HEATR5B: variants seen among roughly 807,000 people sequenced by gnomAD.
HEATR5B encodes the protein HEAT repeat containing 5B.
In HEATR5B, 156 loss-of-function variants were observed where a neutral mutation model predicts 224.1. The ratio of observed to expected loss-of-function variants is 0.70; its 90% confidence interval spans 0.61 to 0.80. The LOEUF (loss-of-function observed/expected upper bound fraction) is 0.80, where lower values mean the gene tolerates loss of function less well. HEATR5B is among the 30% of genes least tolerant of loss of function. HEATR5B has a pLI of 0.00. For missense variants in HEATR5B, 2,323 were observed against 2,535.5 expected, an observed-to-expected ratio of 0.92 and a Z score of 1.80; for synonymous variants, 1,027 against 893.0, an observed-to-expected ratio of 1.15 and a Z score of -2.68.
Position 37,008,856 on chromosome 2 carries a change from G to A in HEATR5B, c.4285-8C>T, listed in dbSNP as rs763983378. The A allele has an allele frequency of 7.9e-6, 12 of 1,513,260 alleles. No individual in the cohort carries two copies. In the East Asian group the frequency reaches 2.0e-4, roughly 26 times the overall value. 93.7% of individuals were successfully genotyped at this position (1,513,260 alleles called of 1,614,324 possible). On this transcript the variant is annotated splice_region_variant and splice_polypyrimidine_tract_variant and intron_variant, in intron 27 of 35. Transcript: ENST00000233099. ...CATAGCGACCACATATACCTAATAT[G>A]ATATTTATGAGGACAAAATAGTAAG...
intron 16 of HEATR5B, among the ~76,000 whole-genome samples, chr2:37,055,922 C>G (rs565583469): frequency 6.6e-6 from 1 of 152,270 alleles, no homozygotes; most frequent in East Asian, 1.9e-4. Flanking sequence ...TATACCAAAC[C>G]AAAATGCTTC....
At chr2:37,020,909 GAAAT>G (rs1278709478) in intron 24 of HEATR5B, 73 bp from the exon 25 acceptor site, 13 of 845,400 alleles carry the variant, frequency 1.5e-5, no homozygotes, top group Middle Eastern at 2.9e-4. Flanking sequence ...AATATGAAAT[GAAAT>G]AAATTTTTGA....
chr2:37,060,831 T>C (rs1671240331), intron 11 of HEATR5B, 98 bp from the exon 12 acceptor site: 4 of 986,154 alleles, frequency 4.1e-6, no homozygotes, highest in Non-Finnish European at 4.5e-6. Flanking sequence ...TATGTAATTT[T>C]AGAGATGAAA....
chr2:36,981,442 A>G lies in HEATR5B; in HGVS notation c.*48T>C. ...CTGGAATGATACAGTGGCCATCACT[A>G]ATTAGGGGCTAGTTGACAACATAAA... On this transcript the variant is annotated 3_prime_UTR_variant, in exon 36 of 36. Transcript: ENST00000233099. 1 of 1,436,834 alleles carries G rather than the reference A, an allele frequency of 7.0e-7. No individual in the cohort carries two copies. The highest frequency in any genetic ancestry group is 1.4e-5 in the African/African-American group (1 of 70,256). 89.0% of individuals were successfully genotyped at this position (1,436,834 alleles called of 1,614,324 possible). A position where few individuals can be genotyped will look rare whatever the true frequency, so the allele number is the denominator to read the frequency against.
At chr2:37,045,889 T>C (rs557815384) in intron 18 of HEATR5B, among the ~76,000 whole-genome samples, 17 of 152,358 alleles carry the variant, frequency 1.1e-4, no homozygotes, top group Admixed American at 1.1e-3. Context: ...TTGTCCAATG[T>C]CTCAAAACTG....
chr2:36,988,172 T>C (rs781629776), intron 35 of HEATR5B, among the ~76,000 whole-genome samples: 1 of 152,148 alleles, frequency 6.6e-6, no homozygotes, highest in African/African-American at 2.4e-5. Context: ...TGAAATGCCA[T>C]TGGCAATTCA....
chr2:37,001,396 G>C (rs1316354319), intron 32 of HEATR5B, among the ~76,000 whole-genome samples: 1 of 151,996 alleles, frequency 6.6e-6, no homozygotes, highest in Non-Finnish European at 1.5e-5. Context: ...GCCTCTGCTT[G>C]CAAAACTCCA....
chr2:37,066,526 T>C (rs1358986818), intron 8 of HEATR5B, among the ~76,000 whole-genome samples: 5 of 152,214 alleles, frequency 3.3e-5, no homozygotes, highest in Admixed American at 3.3e-4. Flanking sequence ...AGTTACCTCT[T>C]ACTGGAATGT....
intron 17 of HEATR5B, among the ~76,000 whole-genome samples, chr2:37,053,290 G>A (rs1467939819): frequency 6.6e-6 from 1 of 152,118 alleles, no homozygotes; most frequent in African/African-American, 2.4e-5. Context: ...AGTTCAAATT[G>A]AAACATAAAC....
At chr2:37,034,395 C>G (rs1278235321) in intron 21 of HEATR5B, among the ~76,000 whole-genome samples, 1 of 140,968 alleles carries the variant, frequency 7.1e-6, no homozygotes, top group Non-Finnish European at 1.6e-5. Context: ...GGGCGGATCA[C>G]GAGGTCAGGA....
rs753918735 is a variant in HEATR5B, at chr2:37,037,873, G to A, written c.3198C>T (p.Ser1066=). 5 of 1,587,188 alleles carry A rather than the reference G, an allele frequency of 3.2e-6. No individual in the cohort carries two copies. The highest frequency in any genetic ancestry group is 1.7e-5 in the Admixed American group (1 of 58,066). ...MFAPRHVNLS[S]LVPSLCVHLC... ...TACTTACACAAAGGCTAGGAACAAGGCTAGATAGATTGACATGTCGTGGTG... is the reference window on the plus strand; with the variant it reads ...TACTTACACAAAGGCTAGGAACAAGACTAGATAGATTGACATGTCGTGGTG... The change falls in exon 21 of 36, where the codon AGC becomes AGT. Residue 1066 remains serine (S), a synonymous_variant. Transcript: ENST00000233099.
intron 18 of HEATR5B, among the ~76,000 whole-genome samples, chr2:37,047,365 A>G (rs1292334004): frequency 1.3e-5 from 2 of 152,192 alleles, no homozygotes; most frequent in Non-Finnish European, 2.9e-5. Context: ...GTTAAGAATA[A>G]ATGCAATCTG....
At chr2:36,985,656 G>A (rs1410709666) in intron 35 of HEATR5B, among the ~76,000 whole-genome samples, 3 of 144,020 alleles carry the variant, frequency 2.1e-5, no homozygotes, top group Non-Finnish European at 4.5e-5. Context: ...CAGTAGAGAC[G>A]GGGTTTCACC....
rs772394105 is a variant in HEATR5B, at chr2:37,061,952, T to C, written c.1683A>G (p.Ala561=). ...ATATAATTATACCTAAAGTCATAAGTGCTCCAAGTAAAAGCCAGCCAGCTT... is the reference window on the plus strand; with the variant it reads ...ATATAATTATACCTAAAGTCATAAGCGCTCCAAGTAAAAGCCAGCCAGCTT... The part of the protein sequence containing the change: ...RTQAGWLLLG[A]LMTLGPSVVR... Residue 561 remains alanine (A), a synonymous_variant, in exon 11 of 36, where the codon GCA becomes GCG. Coordinates refer to ENST00000233099, the MANE Select transcript of HEATR5B (RefSeq NM_019024.3). 2 of 1,610,220 alleles carry C rather than the reference T, an allele frequency of 1.2e-6. No individual in the cohort carries two copies. Among genetic ancestry groups the C allele is most frequent in the Non-Finnish European group, 1.7e-6 (2 of 1,176,512 alleles).
chr2:37,055,033 C>T, intron 16 of HEATR5B: 1 of 353,120 alleles, frequency 2.8e-6, no homozygotes. Flanking sequence ...TACGTGTATA[C>T]ATGCACATTT....
At chr2:36,983,373 C>CAA (rs57119983) in intron 35 of HEATR5B, among the ~76,000 whole-genome samples, 3 of 139,732 alleles carry the variant, frequency 2.1e-5, no homozygotes, top group East Asian at 2.1e-4. Context: ...ACTAAAAATA[C>CAA]AAAAAAAAAA....
rs1664382500 is a variant in HEATR5B at position 37,026,208 on chromosome 2, G to A, written c.3853+1715C>T. Reference sequence around the variant, plus strand: ...AAGAGAGAGAGGGAGCCGTGAGCCAGGGAGTGCGGGCAGCATATACAAGCT... The same window carrying A: ...AAGAGAGAGAGGGAGCCGTGAGCCAAGGAGTGCGGGCAGCATATACAAGCT... On this transcript the variant is annotated intron_variant, in intron 24 of 35. Transcript: ENST00000233099. Among the ~76,000 whole-genome samples, 4 of 152,274 alleles carry A rather than the reference G, an allele frequency of 2.6e-5. No homozygotes were observed. The South Asian group carries it at 8.3e-4, about 32-fold the overall frequency.
intron 22 of HEATR5B, among the ~76,000 whole-genome samples, chr2:37,029,595 C>G (rs926533073): frequency 6.6e-6 from 1 of 152,092 alleles, no homozygotes; most frequent in East Asian, 1.9e-4. Flanking sequence ...ACCCAAGAGG[C>G]GGATGTTGCA....
intron 8 of HEATR5B, 96 bp downstream of exon 8, chr2:37,068,585 A>G: frequency 7.7e-7 from 1 of 1,294,486 alleles, no homozygotes; most frequent in Non-Finnish European, 1.1e-6. Flanking sequence ...ACACACAGAA[A>G]GATAAACTAA....
Sources: allele counts gnomAD v4.1 joint callset (sites outside exome capture counted in the v4.1 genomes callset), GRCh38; gene constraint gnomAD v4.1.1; transcripts MANE v1.5; gene names NCBI Gene and HGNC (gene_info 2026-07-23, HGNC 2026-07-21).